MYOM2: variants seen among roughly 807,000 people sequenced by gnomAD.
MYOM2 encodes the protein myomesin-2.
Under a neutral mutation model 187.6 loss-of-function variants are expected in MYOM2, and 254 were observed. The ratio of observed to expected loss-of-function variants is 1.35; its 90% CI spans 1.22 to 1.50. The LOEUF (loss-of-function observed/expected upper bound fraction) is 1.50, where lower values mean the gene tolerates loss of function less well. Ranked by LOEUF, MYOM2 falls within the 40% of genes most tolerant of loss-of-function variation. The pLI is 0.00. For synonymous variants in MYOM2, 981 were observed against 753.8 expected (o/e 1.30, Z -4.94); for missense variants, 2,796 against 1,924.0 (o/e 1.45, Z -8.48).
intron 6 of MYOM2, among the ~76,000 whole-genome samples, chr8:2,068,354 GC>G: frequency 6.8e-6 from 1 of 147,814 alleles, no homozygotes; most frequent in Non-Finnish European, 1.5e-5. Context: ...GCTCTTCAAT[GC>G]CCGTGTGCAC....
intron 6 of MYOM2, among the ~76,000 whole-genome samples, chr8:2,068,356 C>T (rs1819091133): frequency 6.7e-6 from 1 of 149,814 alleles, no homozygotes; most frequent in Admixed American, 6.6e-5. Context: ...TCTTCAATGC[C>T]CGTGTGCACC....
chr8:2,050,218 T>C (rs190132290), intron 1 of MYOM2, among the ~76,000 whole-genome samples: 211 of 152,268 alleles, frequency 1.4e-3, no homozygotes, highest in African/African-American at 5.0e-3. Flanking sequence ...GCTTATGGGC[T>C]GCCCTCCTTT....
At chr8:2,054,192 A>C (rs1483840704) in intron 3 of MYOM2, among the ~76,000 whole-genome samples, 2 of 152,188 alleles carry the variant, frequency 1.3e-5, no homozygotes, top group African/African-American at 4.8e-5. Context: ...TCCTTTGCAA[A>C]AGATGAAATT....
intron 20 of MYOM2, among the ~76,000 whole-genome samples, chr8:2,101,668 A>G (rs1244947487): frequency 3.9e-5 from 6 of 152,106 alleles, no homozygotes; most frequent in Non-Finnish European, 5.9e-5. Flanking sequence ...GCAGTCTAAT[A>G]GCTGTTAATT....
Position 2,078,909 on chromosome 8 carries a change from C to T in MYOM2, c.1438C>T (p.Pro480Ser), listed in dbSNP as rs776898052. 1 of 1,613,928 alleles carries T rather than the reference C, an allele frequency of 6.2e-7. No homozygotes were observed. Among genetic ancestry groups the T allele is most frequent in the Non-Finnish European group, 8.5e-7 (1 of 1,179,860 alleles). ...CTCTGATGCGGTGGCTGCACTTGAC[C>T]CCTTGGACCTCAGAAGGTTACAAGG... is the stretch of plus-strand genomic sequence containing the variant. ...RVSDAVAALD[P>S]LDLRRLQAVH... The change falls in exon 12 of 37, where the codon CCC becomes TCC. Residue 480 changes from proline to serine, a missense_variant. Coordinates refer to ENST00000262113, the MANE Select transcript of MYOM2 (RefSeq NM_003970.4).
Position 2,057,387 on chromosome 8 carries a change from A to T in MYOM2, c.303A>T (p.Arg101=). 1 of 1,613,760 alleles carries T rather than the reference A, an allele frequency of 6.2e-7. No individual in the cohort carries two copies. Among genetic ancestry groups the T allele is most frequent in the Non-Finnish European group, 8.5e-7 (1 of 1,179,920 alleles). The part of the protein sequence containing the change: ...SLVAAYGEAK[R]QRFLSELAHL... ...TGGCCGCCTATGGTGAGGCCAAGCG[A>T]CAGCGCTTCCTCAGCGAGCTGGCCC... Residue 101 remains arginine (R), a synonymous_variant, in exon 4 of 37, where the codon CGA becomes CGT. Coordinates refer to ENST00000262113, the MANE Select transcript of MYOM2 (RefSeq NM_003970.4).
intron 32 of MYOM2, among the ~76,000 whole-genome samples, chr8:2,140,332 G>A (rs1048419652): frequency 2.0e-5 from 3 of 151,976 alleles, no homozygotes; most frequent in Middle Eastern, 3.4e-3. Flanking sequence ...ACGATACTAC[G>A]AAGGATGTAG....
chr8:2,144,273 G>T (rs1175720131), intron 36 of MYOM2, among the ~76,000 whole-genome samples: 1 of 151,538 alleles, frequency 6.6e-6, no homozygotes, highest in Admixed American at 6.6e-5. Context: ...CAATGGGTTT[G>T]CCAGAGGAAC....
chr8:2,120,667 T>TA (rs1417275868), intron 28 of MYOM2, among the ~76,000 whole-genome samples: 9 of 894 alleles, frequency 0.01, 2 homozygotes, highest in African/African-American at 0.02. Flanking sequence ...TGTATATATA[T>TA]ATATATATTA....
intron 14 of MYOM2, among the ~76,000 whole-genome samples, chr8:2,088,627 A>G (rs79108680): frequency 0.026 from 4,012 of 152,270 alleles, 157 homozygotes; most frequent in African/African-American, 0.082. Flanking sequence ...GCTGTGTAGT[A>G]TTCCATGGTG....
At chr8:2,115,863 T>C in intron 25 of MYOM2, 97 bp from the exon 26 acceptor site, 1 of 1,373,060 alleles carries the variant, frequency 7.3e-7, no homozygotes, top group Non-Finnish European at 1.0e-6. Flanking sequence ...TCATAATCCC[T>C]TGAGATCTCA....
At chr8:2,102,377 C>T in intron 20 of MYOM2, 1 of 303,502 alleles carries the variant, frequency 3.3e-6, no homozygotes, top group Non-Finnish European at 6.2e-6. Context: ...ATATAAACAC[C>T]AGATTATAAA....
At chr8:2,061,908 G>A (rs1818862576) in intron 6 of MYOM2, among the ~76,000 whole-genome samples, 1 of 152,182 alleles carries the variant, frequency 6.6e-6, no homozygotes, top group African/African-American at 2.4e-5. Flanking sequence ...CGCCTTCCAG[G>A]TCCCACTCTC....
At chr8:2,067,004 T>C (rs541151934) in intron 6 of MYOM2, among the ~76,000 whole-genome samples, 1 of 152,198 alleles carries the variant, frequency 6.6e-6, no homozygotes, top group Non-Finnish European at 1.5e-5. Flanking sequence ...CTCTGGTGTG[T>C]GATCTGTCCC....
intron 1 of MYOM2, among the ~76,000 whole-genome samples, chr8:2,049,146 C>G (rs978346584): frequency 1.3e-5 from 2 of 152,144 alleles, no homozygotes; most frequent in Non-Finnish European, 2.9e-5. Context: ...GAGTAGAATG[C>G]ATGCTGGTGC....
At chr8:2,078,071 GGAATTTCATGT>G (rs1330954425) in intron 11 of MYOM2, among the ~76,000 whole-genome samples, 1 of 152,158 alleles carries the variant, frequency 6.6e-6, no homozygotes, top group Non-Finnish European at 1.5e-5. Flanking sequence ...TTTTCTCCTG[GGAATTTCATGT>G]GAAGGTTTTT....
Position 2,123,590 on chromosome 8 carries a change from C to G in MYOM2, c.3603C>G (p.Thr1201=), listed in dbSNP as rs775745097. 3 of 1,614,092 alleles carry G rather than the reference C, an allele frequency of 1.9e-6. No homozygotes were observed. Among genetic ancestry groups the G allele is most frequent in the Admixed American group, 1.7e-5 (1 of 60,028 alleles). The change falls in exon 30 of 37, where the codon ACC becomes ACG. Residue 1201 remains threonine (T), a synonymous_variant. Transcript: ENST00000262113. ...AGGACCACGGTGAATACAAGGCAAC[C>G]TTGAAAGATGACAGAGGCCAAGATG... ...SKKDHGEYKA[T]LKDDRGQDVS...
chr8:2,053,947 C>A (rs1818573533), intron 3 of MYOM2, among the ~76,000 whole-genome samples: 1 of 152,158 alleles, frequency 6.6e-6, no homozygotes. Flanking sequence ...TCGTGGGGAT[C>A]TCAGTGAGTT....
chr8:2,060,752 G>C (rs1818825296), intron 6 of MYOM2, among the ~76,000 whole-genome samples: 1 of 92,782 alleles, frequency 1.1e-5, no homozygotes, highest in African/African-American at 5.8e-5. Context: ...CTGTTCGTTT[G>C]TTTGTTTTTT....
Sources: gnomAD v4.1 joint callset for allele counts (sites outside exome capture counted in the v4.1 genomes callset) on GRCh38, gnomAD v4.1.1 for gene constraint, MANE v1.5 for transcripts, NCBI Gene and HGNC (gene_info 2026-07-23, HGNC 2026-07-21) for gene names.